The following GPRC5A variants were observed in gnomAD, a reference collection of about 807,000 sequenced individuals.
The protein encoded by GPRC5A is retinoic acid-induced protein 3.
A neutral mutation model predicts 22.5 loss-of-function variants in GPRC5A; 19 were observed. The ratio of observed to expected loss-of-function variants is 0.85; its 90% CI spans 0.59 to 1.24. The LOEUF is 1.24. GPRC5A is among the 50% of genes most tolerant of loss of function. The pLI is 0.00. For missense variants in GPRC5A, 471 were observed against 451.1 expected (o/e 1.04, Z -0.40); for synonymous variants, 192 against 184.5 (o/e 1.04, Z -0.33).
At chr12:12,894,529 C>T (rs1342652522) in intron 1 of GPRC5A, among the ~76,000 whole-genome samples, 1 of 152,134 alleles carries the variant, frequency 6.6e-6, no homozygotes, top group African/African-American at 2.4e-5. Context: ...TTGCCTCAGA[C>T]TCTTGAGTAG....
Position 12,912,496 on chromosome 12 carries a change from C to T in GPRC5A, c.1031C>T (p.Pro344Leu), listed in dbSNP as rs761263384. The change falls in exon 4 of 4, where the codon CCG (proline) becomes CTG (leucine). Residue 344 changes from proline (P) to leucine (L), a missense_variant. Pro to Leu is a moderately conservative substitution (Grantham distance 98, BLOSUM62 -3). Transcript: ENST00000014914. ...EFSIPRAHAW[P>L]SPYKDYEVKK... ...TCCATCCCACGGGCCCACGCTTGGC[C>T]GAGCCCTTACAAAGACTATGAAGTA... The T allele has an allele frequency of 2.2e-5, 36 of 1,612,600 alleles. No individual in the cohort carries two copies. The South Asian group carries it at 2.4e-4, about 11-fold the overall frequency.
At position 12,912,434 on chromosome 12, in the gene GPRC5A, G is replaced by C. The variant is rs367604243; in HGVS notation, c.982-13G>C. On this transcript the variant is annotated splice_polypyrimidine_tract_variant and intron_variant, in intron 3 of 3. Transcript: ENST00000014914. ...CTGGAGTGGGTTTCACGATATGACT[G>C]TTTCCTTTTCAGAACCAGCCTCCCC... 7.3e-5 allele frequency: 114 copies of C among 1,566,598 alleles called. No individual in the cohort carries two copies. The highest frequency in any genetic ancestry group is 9.6e-5 in the Non-Finnish European group (109 of 1,136,806).
Position 12,908,853 on chromosome 12 carries a change from T to C in GPRC5A, c.604T>C (p.Ser202Pro), listed in dbSNP as rs1863973669. The part of the protein sequence containing the change: ...FLMSSFTFCG[S>P]FTGWKRHGAH... ...CATGTCCTCCTTCACCTTCTGTGGTTCCTTCACGGGCTGGAAGAGACATGG... is the reference window on the plus strand; with the variant it reads ...CATGTCCTCCTTCACCTTCTGTGGTCCCTTCACGGGCTGGAAGAGACATGG... Residue 202 changes from serine (S) to proline (P), a missense_variant, in exon 2 of 4, where the codon TCC becomes CCC. By Grantham distance (74) the Ser-to-Pro change is moderately conservative. Coordinates refer to ENST00000014914, the MANE Select transcript of GPRC5A (RefSeq NM_003979.4). 2 of 1,614,180 alleles carry C rather than the reference T, an allele frequency of 1.2e-6. No homozygotes were observed. Among genetic ancestry groups the C allele is most frequent in the East Asian group, 4.5e-5 (2 of 44,882 alleles).
intron 1 of GPRC5A, among the ~76,000 whole-genome samples, chr12:12,892,568 T>A (rs756549301): frequency 6.6e-6 from 1 of 152,108 alleles, no homozygotes; most frequent in Non-Finnish European, 1.5e-5. Flanking sequence ...GGTTTCCCCA[T>A]GTTGGTCAGG....
At position 12,909,325 on chromosome 12, in the gene GPRC5A, G is replaced by A. The variant is rs113086774; in HGVS notation, c.922+154G>A. On this transcript the variant is annotated intron_variant, in intron 2 of 3. Transcript: ENST00000014914. The stretch of plus-strand genomic sequence containing the variant: ...TAAGGCTCAGATCTTGCTTAAAGTC[G>A]TCCAGCCTGTTAGAGACAAGTAGAA... The A allele has an allele frequency of 3.0e-3, 1,835 of 610,152 alleles. 32 individuals are homozygous for A. The African/African-American group carries it at 0.031, about 10-fold the overall frequency. The allele number at this position is 610,152 out of a possible 1,614,324, so 37.8% of individuals were successfully genotyped here.
intron 1 of GPRC5A, among the ~76,000 whole-genome samples, chr12:12,898,547 A>AT (rs1863847580): frequency 6.6e-6 from 1 of 152,192 alleles, no homozygotes; most frequent in East Asian, 1.9e-4. Context: ...AAAAAAAAAA[A>AT]GAAAAAAGAA....
At chr12:12,898,160 G>T (rs929425853) in intron 1 of GPRC5A, among the ~76,000 whole-genome samples, 9 of 152,220 alleles carry the variant, frequency 5.9e-5, no homozygotes, top group African/African-American at 2.2e-4. Context: ...TCTTGGGCAA[G>T]TTATGTAATT....
rs372263202 is a variant in GPRC5A, at chr12:12,912,514, A to G, written c.1049A>G (p.Tyr350Cys). The change falls in exon 4 of 4, where the codon TAT becomes TGT. Residue 350 changes from tyrosine to cysteine, a missense_variant. Tyr to Cys is a radical substitution (Grantham distance 194). Transcript: ENST00000014914. ...AHAWPSPYKD[Y>C]EVKKEGS is the part of the protein sequence containing the mutation. ...GCTTGGCCGAGCCCTTACAAAGACT[A>G]TGAAGTAAAGAAAGAGGGCAGCTAA... The G allele has an allele frequency of 5.5e-5, 88 of 1,608,552 alleles. No homozygotes were observed. Among genetic ancestry groups the G allele is most frequent in the Non-Finnish European group, 7.2e-5 (85 of 1,174,954 alleles).
Position 12,908,300 on chromosome 12 carries a change from C to T in GPRC5A, c.51C>T (p.Tyr17=). The T allele has an allele frequency of 1.2e-6, 2 of 1,611,544 alleles. No individual in the cohort carries two copies. The highest frequency in any genetic ancestry group is 1.7e-6 in the Non-Finnish European group (2 of 1,178,810). Residue 17 remains tyrosine (Y), a synonymous_variant, in exon 2 of 4, where the codon TAC becomes TAT. Transcript: ENST00000014914. The part of the protein sequence containing the change: ...DGCRNGLKSK[Y]YRLCDKAEAW... ...GCCGCAATGGCCTGAAATCCAAGTACTACAGACTTTGTGATAAGGCTGAAG... is the reference window on the plus strand; with the variant it reads ...GCCGCAATGGCCTGAAATCCAAGTATTACAGACTTTGTGATAAGGCTGAAG...
chr12:12,902,243 C>T (rs1863895454), intron 1 of GPRC5A, among the ~76,000 whole-genome samples: 1 of 151,724 alleles, frequency 6.6e-6, no homozygotes, highest in Non-Finnish European at 1.5e-5. Flanking sequence ...TTGAGCAATC[C>T]CTATCAGCTT....
At chr12:12,895,738 G>A (rs535190021) in intron 1 of GPRC5A, among the ~76,000 whole-genome samples, 1 of 149,624 alleles carries the variant, frequency 6.7e-6, no homozygotes, top group Non-Finnish European at 1.5e-5. Context: ...AGCACTTTGG[G>A]AGGCTGAGGC....
At position 12,908,761 on chromosome 12, in the gene GPRC5A, C is replaced by T. The variant is rs1207038383; in HGVS notation, c.512C>T (p.Pro171Leu). 1 of 1,614,230 alleles carries T rather than the reference C, an allele frequency of 6.2e-7. No homozygotes were observed. Among genetic ancestry groups the T allele is most frequent in the African/African-American group, 1.3e-5 (1 of 75,060 alleles). ...NVNVFSELSAPRRNEDFVLLL... is the reference protein window; with the variant it reads ...NVNVFSELSALRRNEDFVLLL... ...AATGTCTTTTCTGAGCTTTCCGCTC[C>T]TCGTCGCAATGAAGACTTTGTCCTC... Residue 171 changes from proline (P) to leucine (L), a missense_variant, in exon 2 of 4, where the codon CCT (proline) becomes CTT (leucine). By Grantham distance (98) the Pro-to-Leu change is moderately conservative. Coordinates refer to ENST00000014914, the MANE Select transcript of GPRC5A (RefSeq NM_003979.4).
Position 12,909,115 on chromosome 12 carries a change from T to C in GPRC5A, c.866T>C (p.Val289Ala). The C allele has an allele frequency of 1.2e-6, 2 of 1,600,740 alleles. No homozygotes were observed. Among genetic ancestry groups the C allele is most frequent in the Non-Finnish European group, 1.7e-6 (2 of 1,179,732 alleles). ...GATGCTTTCTGTAAACCTCAACTCG[T>C]GAAGAAGAGCTATGGTGTGGAGAAC... is the stretch of plus-strand genomic sequence containing the variant. ...VEDAFCKPQL[V>A]KKSYGVENRA... Residue 289 changes from valine (V) to alanine (A), a missense_variant, in exon 2 of 4, where the codon GTG becomes GCG. Coordinates refer to ENST00000014914, the MANE Select transcript of GPRC5A (RefSeq NM_003979.4).
In GPRC5A at chr12:12,908,231, C is replaced by G; in HGVS notation, c.-7-12C>G. Reference sequence around the variant, plus strand: ...AATACCTTCTCCCCACTCCAACATTCCTTTTCTGCAGGTCCAGAATGGCTA... The same window carrying G: ...AATACCTTCTCCCCACTCCAACATTGCTTTTCTGCAGGTCCAGAATGGCTA... On this transcript the variant is annotated splice_polypyrimidine_tract_variant and intron_variant, in intron 1 of 3. Coordinates refer to ENST00000014914, the MANE Select transcript of GPRC5A (RefSeq NM_003979.4). The G allele has an allele frequency of 6.6e-7, 1 of 1,518,318 alleles. No homozygotes were observed. Among genetic ancestry groups the G allele is most frequent in the Non-Finnish European group, 8.9e-7 (1 of 1,122,462 alleles). 94.1% of individuals were successfully genotyped at this position (1,518,318 alleles called of 1,614,324 possible).
chr12:12,895,367 G>A (rs900869252), intron 1 of GPRC5A, among the ~76,000 whole-genome samples: 1 of 123,028 alleles, frequency 8.1e-6, no homozygotes, highest in Non-Finnish European at 1.8e-5. Flanking sequence ...GTATGATATA[G>A]TTTAGTCTTT....
In GPRC5A at chr12:12,915,996, C is replaced by T. The variant is rs533606856; in HGVS notation, c.*3457C>T. ...ATCTTCAGGTCTCACACCTTCTGCACATAAATAAGCTATTTTTAAAAGTTA... is the reference window on the plus strand; with the variant it reads ...ATCTTCAGGTCTCACACCTTCTGCATATAAATAAGCTATTTTTAAAAGTTA... On this transcript the variant is annotated 3_prime_UTR_variant, in exon 4 of 4. Coordinates refer to ENST00000014914, the MANE Select transcript of GPRC5A (RefSeq NM_003979.4). 5.4e-6 allele frequency: 2 copies of T among 369,092 alleles called. No homozygotes were observed. The highest frequency in any genetic ancestry group is 2.2e-5 in the African/African-American group (1 of 46,478). 22.9% of individuals were successfully genotyped at this position (369,092 alleles called of 1,614,324 possible).
intron 1 of GPRC5A, among the ~76,000 whole-genome samples, chr12:12,893,623 A>T (rs12578317): frequency 0.11 from 17,177 of 152,260 alleles, 1,187 homozygotes; most frequent in South Asian, 0.21. Flanking sequence ...CAAATGTTCC[A>T]TTTGGACCAT....
intron 1 of GPRC5A, among the ~76,000 whole-genome samples, chr12:12,904,184 C>T (rs1863917227): frequency 6.6e-6 from 1 of 152,194 alleles, no homozygotes; most frequent in South Asian, 2.1e-4. Context: ...CTTCCACATT[C>T]ACGGTGTAGC....
chr12:12,908,398 C>G lies in GPRC5A; in HGVS notation c.149C>G (p.Pro50Arg). ...TCGGTGGCCTTCATGCTCACTCTCCCGATCCTCGTCTGCAAGGTGCAGGAC... is the reference window on the plus strand; with the variant it reads ...TCGGTGGCCTTCATGCTCACTCTCCGGATCCTCGTCTGCAAGGTGCAGGAC... ...VTSVAFMLTL[P>R]ILVCKVQDSN... Residue 50 changes from proline (P) to arginine (R), a missense_variant, in exon 2 of 4, where the codon CCG (proline) becomes CGG (arginine). Coordinates refer to ENST00000014914, the MANE Select transcript of GPRC5A (RefSeq NM_003979.4). The G allele has an allele frequency of 6.2e-7, 1 of 1,614,130 alleles. No individual in the cohort carries two copies. The highest frequency in any genetic ancestry group is 1.1e-5 in the South Asian group (1 of 91,074).
Sources: gnomAD v4.1 joint callset for allele counts (sites outside exome capture counted in the v4.1 genomes callset) on GRCh38, gnomAD v4.1.1 for gene constraint, MANE v1.5 for transcripts, NCBI Gene and HGNC (gene_info 2026-07-23, HGNC 2026-07-21) for gene names.